TCF20: variants seen among roughly 807,000 people sequenced by gnomAD.
The protein encoded by TCF20 is transcription factor 20.
A neutral mutation model predicts 148.6 loss-of-function variants in TCF20; 3 were observed. The ratio of observed to expected loss-of-function variants is 0.02; its 90% CI spans 0.01 to 0.05. The LOEUF is 0.05. TCF20 is among the 10% of genes least tolerant of loss of function. The pLI is 1.00. For missense variants in TCF20, 2,350 were observed against 2,429.3 expected, an observed-to-expected ratio of 0.97 and a Z score of 0.69; for synonymous variants, 1,049 against 909.5, an observed-to-expected ratio of 1.15 and a Z score of -2.76.
In TCF20 at chr22:42,211,839, C is replaced by T. The variant is rs147237834; in HGVS notation, c.3467G>A (p.Ser1156Asn). ...GPPVGTYHDP[S>N]AQEAGRCLMS... Reference sequence around the variant, plus strand: ...TAGGCAGCGCCCAGCCTCCTGGGCACTGGGGTCATGGTAAGTCCCCACTGG... The same window carrying T: ...TAGGCAGCGCCCAGCCTCCTGGGCATTGGGGTCATGGTAAGTCCCCACTGG... Residue 1156 changes from serine to asparagine, a missense_variant, in exon 2 of 6, where the codon AGT becomes AAT. By Grantham distance (46) the Ser-to-Asn change is conservative. Coordinates refer to ENST00000677622, the MANE Select transcript of TCF20 (RefSeq NM_001378418.1). 1 of 1,614,192 alleles carries T rather than the reference C, an allele frequency of 6.2e-7. No individual in the cohort carries two copies.
intron 1 of TCF20, among the ~76,000 whole-genome samples, chr22:42,242,110 G>T (rs568200165): frequency 1.1e-3 from 152 of 143,050 alleles, no homozygotes; most frequent in African/African-American, 3.6e-3. Context: ...GGCCGAGGCA[G>T]AAGAATCACT....
intron 1 of TCF20, among the ~76,000 whole-genome samples, chr22:42,333,873 T>G (rs1276302190): frequency 6.6e-6 from 1 of 152,190 alleles, no homozygotes; most frequent in African/African-American, 2.4e-5. Flanking sequence ...CGATGGCTCC[T>G]CCAGGTGCCA....
At chr22:42,318,360 C>A (rs1430995084) in intron 1 of TCF20, among the ~76,000 whole-genome samples, 1 of 152,124 alleles carries the variant, frequency 6.6e-6, no homozygotes, top group Non-Finnish European at 1.5e-5. Flanking sequence ...CTAGGGCGTA[C>A]AGGGAACAAT....
chr22:42,198,725 G>C (rs1484301246), intron 2 of TCF20, among the ~76,000 whole-genome samples: 2 of 150,344 alleles, frequency 1.3e-5, no homozygotes, highest in Non-Finnish European at 3.0e-5. Context: ...GCAGTGGCGT[G>C]ATCTTGGCTC....
chr22:42,278,723 G>C (rs1926835934), intron 1 of TCF20: 1 of 152,302 alleles, frequency 6.6e-6, no homozygotes, highest in African/African-American at 2.4e-5. Context: ...GCTAGGCATG[G>C]TGCTAAGTGC....
intron 4 of TCF20, among the ~76,000 whole-genome samples, chr22:42,169,330 C>T (rs1935980747): frequency 6.6e-6 from 1 of 152,074 alleles, no homozygotes; most frequent in African/African-American, 2.4e-5. Context: ...AGACCACCTC[C>T]TAAATAAACT....
At chr22:42,337,771 C>G (rs576964076) in intron 1 of TCF20, among the ~76,000 whole-genome samples, 37 of 152,226 alleles carry the variant, frequency 2.4e-4, no homozygotes, top group South Asian at 8.3e-4. Flanking sequence ...ATTAAGTCAC[C>G]TATCCATCCA....
chr22:42,237,197 T>C (rs897114839), intron 1 of TCF20, among the ~76,000 whole-genome samples: 3 of 152,350 alleles, frequency 2.0e-5, no homozygotes, highest in Admixed American at 6.5e-5. Flanking sequence ...ACCCCGCCAC[T>C]GCTTAATCAA....
intron 1 of TCF20, among the ~76,000 whole-genome samples, chr22:42,253,522 A>T (rs1455798803): frequency 6.6e-6 from 1 of 152,210 alleles, no homozygotes; most frequent in East Asian, 1.9e-4. Flanking sequence ...TTCCTTAGTA[A>T]TATTTTCAAG....
intron 2 of TCF20, among the ~76,000 whole-genome samples, chr22:42,198,108 G>C (rs530018294): frequency 1.3e-5 from 2 of 152,038 alleles, no homozygotes; most frequent in East Asian, 3.9e-4. Context: ...ATAAAAGTGC[G>C]GTACTTGAAT....
At chr22:42,236,754 C>T (rs1472075091) in intron 1 of TCF20, among the ~76,000 whole-genome samples, 2 of 152,150 alleles carry the variant, frequency 1.3e-5, no homozygotes, top group Non-Finnish European at 2.9e-5. Context: ...GGGTCTGGTT[C>T]CAGACCGTGG....
intron 5 of TCF20, among the ~76,000 whole-genome samples, chr22:42,163,492 A>G (rs1303667607): frequency 6.6e-6 from 1 of 152,248 alleles, no homozygotes; most frequent in Non-Finnish European, 1.5e-5. Context: ...AAAATTCTCT[A>G]AGCACTATGT....
intron 2 of TCF20, among the ~76,000 whole-genome samples, chr22:42,185,102 G>A (rs910360721): frequency 6.6e-6 from 1 of 152,200 alleles, no homozygotes; most frequent in Non-Finnish European, 1.5e-5. Flanking sequence ...ACAGCAACCT[G>A]AATCATCATC....
Position 42,299,158 on chromosome 22 carries a change from T to A in TCF20, c.-37+44321A>T, listed in dbSNP as rs1927287185. ...AAATCTGGACTTGGCCCTGCAGGCT[T>A]CTCTGGCCTTTAGAAGGCACGGGAG... On this transcript the variant is annotated intron_variant, in intron 1 of 1. Transcript: ENST00000515426. This position sits in a 1 kb window ranked among gnomAD's most constrained non-coding sequence, Gnocchi z 4.1. 6.6e-6 allele frequency among the ~76,000 whole-genome samples: 1 copy of A among 152,114 alleles called. No homozygotes were observed. The highest frequency in any genetic ancestry group is 1.5e-5 in the Non-Finnish European group (1 of 68,016).
At chr22:42,179,153 A>C (rs2147092441) in intron 3 of TCF20, among the ~76,000 whole-genome samples, 1 of 152,252 alleles carries the variant, frequency 6.6e-6, no homozygotes. Flanking sequence ...ATTTTGGAAA[A>C]CAGTCTGACA....
chr22:42,172,810 T>C (rs1003803957), intron 3 of TCF20, among the ~76,000 whole-genome samples: 2 of 152,222 alleles, frequency 1.3e-5, no homozygotes, highest in African/African-American at 4.8e-5. Flanking sequence ...ACTACTGTTA[T>C]TCCTTATGTT....
chr22:42,304,677 T>C (rs542592370), intron 1 of TCF20, among the ~76,000 whole-genome samples: 1 of 152,152 alleles, frequency 6.6e-6, no homozygotes, highest in Admixed American at 6.5e-5. Flanking sequence ...TGTAATTCCA[T>C]AGCTGGGGAA....
At chr22:42,259,989 G>T (rs1442902591) in intron 1 of TCF20, among the ~76,000 whole-genome samples, 2 of 152,132 alleles carry the variant, frequency 1.3e-5, no homozygotes, top group Non-Finnish European at 2.9e-5. Flanking sequence ...ATGTTTTAAA[G>T]AATAAATTCA....
rs116525310 is a variant in TCF20 at position 42,299,399 on chromosome 22, T to C, written c.-37+44080A>G. Among the ~76,000 whole-genome samples, 1,641 of 152,174 alleles carry C rather than the reference T, an allele frequency of 0.011. 31 individuals are homozygous for C. Among genetic ancestry groups the C allele is most frequent in the African/African-American group, 0.037 (1,549 of 41,514 alleles). On this transcript the variant is annotated intron_variant, in intron 1 of 1. Transcript: ENST00000515426. The surrounding 1 kb of genome is among the most constrained non-coding windows in gnomAD (Gnocchi z 4.1). ...GTCCTTACCTTGCTCTCCCTCCCCATGGACTCTCTCTCCCATCTCCCCTCC... is the reference window on the plus strand; with the variant it reads ...GTCCTTACCTTGCTCTCCCTCCCCACGGACTCTCTCTCCCATCTCCCCTCC...
Sources: allele counts gnomAD v4.1 joint callset (sites outside exome capture counted in the v4.1 genomes callset), GRCh38; gene constraint gnomAD v4.1.1; non-coding constraint Gnocchi (gnomAD v3.1); transcripts MANE v1.5; gene names NCBI Gene and HGNC (gene_info 2026-07-23, HGNC 2026-07-21).